The following ZMAT4 variants were observed in gnomAD, a reference collection of about 807,000 sequenced individuals.
ZMAT4 encodes the protein zinc finger matrin-type protein 4.
Under a neutral mutation model 28.7 loss-of-function variants are expected in ZMAT4, and 17 were observed. The observed-to-expected ratio is 0.59, with a 90% CI of 0.41 to 0.89. The LOEUF (loss-of-function observed/expected upper bound fraction) is 0.89. Ranked by LOEUF, ZMAT4 falls within the 40% of genes least tolerant of loss-of-function variation. The pLI is 0.00. For synonymous variants in ZMAT4, 117 were observed against 109.2 expected, an observed-to-expected ratio of 1.07 and a Z score of -0.44; for missense variants, 240 against 283.8, an observed-to-expected ratio of 0.85 and a Z score of 1.11.
chr8:40,583,530 A>C (rs1051661537), intron 5 of ZMAT4, among the ~76,000 whole-genome samples: 1 of 152,204 alleles, frequency 6.6e-6, no homozygotes, highest in Non-Finnish European at 1.5e-5. Flanking sequence ...TTAAGTAATG[A>C]CAAGTCTGTG....
chr8:40,575,654 A>G (rs1187790790), intron 6 of ZMAT4, among the ~76,000 whole-genome samples: 1 of 129,754 alleles, frequency 7.7e-6, no homozygotes, highest in East Asian at 1.9e-4. Flanking sequence ...GGATCCATCT[A>G]CAGGAAAAAG....
At chr8:40,811,948 T>C (rs929571429) in intron 2 of ZMAT4, among the ~76,000 whole-genome samples, 2 of 152,018 alleles carry the variant, frequency 1.3e-5, no homozygotes, top group Non-Finnish European at 2.9e-5. Context: ...CTGGTCAACA[T>C]GATGAAATCC....
intron 4 of ZMAT4, 66 bp downstream of exon 4, chr8:40,697,179 T>G: frequency 4.0e-5 from 58 of 1,467,120 alleles, no homozygotes; most frequent in Non-Finnish European, 4.7e-5. Flanking sequence ...AGGAGGAGCA[T>G]GATCTGCAAG....
chr8:40,850,414 G>A (rs1817060140), intron 1 of ZMAT4, among the ~76,000 whole-genome samples: 1 of 152,058 alleles, frequency 6.6e-6, no homozygotes, highest in Non-Finnish European at 1.5e-5. Context: ...GGACTCCCCT[G>A]CCAACATCAT....
intron 1 of ZMAT4, among the ~76,000 whole-genome samples, chr8:40,859,624 A>T (rs1026402831): frequency 6.6e-6 from 1 of 152,232 alleles, no homozygotes; most frequent in Non-Finnish European, 1.5e-5. Context: ...TTTCTCCTCT[A>T]CAAGTCTATA....
intron 4 of ZMAT4, among the ~76,000 whole-genome samples, chr8:40,690,714 C>G (rs765422244): frequency 4.6e-5 from 7 of 151,050 alleles, no homozygotes; most frequent in African/African-American, 9.9e-5. Flanking sequence ...TATAGACTAC[C>G]CTGATCTTTA....
chr8:40,741,241 C>A (rs1811989582), intron 3 of ZMAT4, among the ~76,000 whole-genome samples: 1 of 151,778 alleles, frequency 6.6e-6, no homozygotes, highest in Non-Finnish European at 1.5e-5. Context: ...GGTCAGGAGT[C>A]CAAGACTAGC....
At chr8:40,708,953 C>T (rs1810485438) in intron 3 of ZMAT4, among the ~76,000 whole-genome samples, 1 of 151,868 alleles carries the variant, frequency 6.6e-6, no homozygotes, top group Non-Finnish European at 1.5e-5. Context: ...CAAACCAAAA[C>T]AAAACAAACT....
intron 6 of ZMAT4, among the ~76,000 whole-genome samples, chr8:40,569,187 T>C (rs1013300495): frequency 1.3e-5 from 2 of 152,056 alleles, no homozygotes; most frequent in African/African-American, 4.8e-5. Context: ...CAAAGAGAAG[T>C]GATAAATAAC....
chr8:40,585,727 C>T (rs1459974501), intron 5 of ZMAT4, among the ~76,000 whole-genome samples: 1 of 152,106 alleles, frequency 6.6e-6, no homozygotes, highest in African/African-American at 2.4e-5. Context: ...TTTTTAAATG[C>T]TTATCCAGGT....
intron 1 of ZMAT4, among the ~76,000 whole-genome samples, chr8:40,896,380 T>A (rs1306413657): frequency 6.6e-6 from 1 of 152,118 alleles, no homozygotes; most frequent in Non-Finnish European, 1.5e-5. Flanking sequence ...ATGAAAATCA[T>A]CTAAACTCTT....
At chr8:40,895,751 C>T (rs1314488552) in intron 1 of ZMAT4, among the ~76,000 whole-genome samples, 1 of 152,136 alleles carries the variant, frequency 6.6e-6, no homozygotes, top group Non-Finnish European at 1.5e-5. Context: ...TAAAGGGAAC[C>T]CCCAGTTTTG....
At chr8:40,595,809 C>T (rs1224175795) in intron 5 of ZMAT4, among the ~76,000 whole-genome samples, 2 of 152,068 alleles carry the variant, frequency 1.3e-5, no homozygotes, top group African/African-American at 4.8e-5. Context: ...TAAGGCTGGG[C>T]ACGGTGGCTC....
At chr8:40,546,345 A>G (rs941257912) in intron 6 of ZMAT4, among the ~76,000 whole-genome samples, 4 of 152,122 alleles carry the variant, frequency 2.6e-5, no homozygotes, top group African/African-American at 7.2e-5. Context: ...CATCCCTTAC[A>G]TAACTCTAGG....
intron 5 of ZMAT4, among the ~76,000 whole-genome samples, chr8:40,629,368 A>T (rs1563374557): frequency 6.7e-6 from 1 of 148,444 alleles, no homozygotes; most frequent in African/African-American, 2.5e-5. Flanking sequence ...TTATTGGGAA[A>T]TTTTTTTTTG....
rs573882495 is a variant in ZMAT4, at chr8:40,606,622, G to A, written c.578-25361C>T. ...CATGGCTCTTAGGATTCTTTCATTC[G>A]TCTTGACTTTAGATAACCTGATGAC... On this transcript the variant is annotated intron_variant, in intron 5 of 6. Coordinates refer to ENST00000297737, the MANE Select transcript of ZMAT4 (RefSeq NM_024645.3). Among the ~76,000 whole-genome samples, 130 of 152,144 alleles carry A rather than the reference G, an allele frequency of 8.5e-4. 1 individual carries two copies. The highest frequency in any genetic ancestry group is 1.7e-3 in the African/African-American group (72 of 41,500).
chr8:40,534,800 A>C lies in ZMAT4; in HGVS notation c.675-2562T>G, dbSNP rs182927769. ...CAGGTTCAAGCAATTCTCCTGCTTCAGCCTCCCAAGTAGCTGGGATTACAG... is the reference window on the plus strand; with the variant it reads ...CAGGTTCAAGCAATTCTCCTGCTTCCGCCTCCCAAGTAGCTGGGATTACAG... On this transcript the variant is annotated intron_variant, in intron 6 of 6. Transcript: ENST00000297737. Among the ~76,000 whole-genome samples the C allele has an allele frequency of 3.5e-3, 520 of 149,372 alleles. 5 individuals carry two copies. The highest frequency in any genetic ancestry group is 0.012 in the African/African-American group (506 of 40,508).
At chr8:40,757,577 C>A (rs568278773) in intron 3 of ZMAT4, among the ~76,000 whole-genome samples, 1 of 150,588 alleles carries the variant, frequency 6.6e-6, no homozygotes, top group South Asian at 2.1e-4. Context: ...CAGAGCAAGA[C>A]CCCATCTCAA....
intron 3 of ZMAT4, among the ~76,000 whole-genome samples, chr8:40,710,286 C>T (rs547977677): frequency 5.9e-5 from 9 of 152,160 alleles, no homozygotes; most frequent in South Asian, 2.1e-4. Context: ...TTGTTATTCA[C>T]GGGATATGCA....
Sources: allele counts gnomAD v4.1 joint callset (sites outside exome capture counted in the v4.1 genomes callset), GRCh38; gene constraint gnomAD v4.1.1; transcripts MANE v1.5; gene names NCBI Gene and HGNC (gene_info 2026-07-23, HGNC 2026-07-21).